The following LRRC4C variants were observed in gnomAD, a reference collection of about 807,000 sequenced individuals.
LRRC4C encodes leucine-rich repeat-containing protein 4C.
Under a neutral mutation model 33.6 loss-of-function variants are expected in LRRC4C, and 5 were observed. The observed-to-expected ratio is 0.15, with a 90% CI of 0.08 to 0.31. The LOEUF is 0.31. LRRC4C is among the 10% of genes least tolerant of loss of function. The probability of loss-of-function intolerance (pLI) is 1.00; values close to 1 mark genes in which losing one functional copy is unlikely to be tolerated. For synonymous variants in LRRC4C, 329 were observed against 302.0 expected (o/e 1.09, Z -0.93); for missense variants, 560 against 796.7 (o/e 0.70, Z 3.58).
chr11:40,978,990 A>C (rs951392293), intron 1 of LRRC4C, among the ~76,000 whole-genome samples: 2 of 152,068 alleles, frequency 1.3e-5, no homozygotes, highest in African/African-American at 4.8e-5. Flanking sequence ...TGAATTCACT[A>C]TACTTAAATA....
At chr11:41,185,499 TG>T (rs1945653817) in intron 1 of LRRC4C, among the ~76,000 whole-genome samples, 1 of 152,212 alleles carries the variant, frequency 6.6e-6, no homozygotes, top group African/African-American at 2.4e-5. Context: ...TGTAGTTGCA[TG>T]TATAACCTCA....
chr11:40,534,347 A>C (rs1956389284), intron 3 of LRRC4C, among the ~76,000 whole-genome samples: 1 of 152,172 alleles, frequency 6.6e-6, no homozygotes, highest in Non-Finnish European at 1.5e-5. Context: ...GTATATATAC[A>C]TAGTACTTAA....
chr11:41,209,089 C>T (rs1422820913), intron 1 of LRRC4C, among the ~76,000 whole-genome samples: 2 of 150,418 alleles, frequency 1.3e-5, no homozygotes, highest in African/African-American at 4.9e-5. Context: ...AAAAAAAAAA[C>T]CCGTTAGGTA....
At chr11:40,309,860 T>C (rs2136740179) in intron 4 of LRRC4C, among the ~76,000 whole-genome samples, 1 of 152,214 alleles carries the variant, frequency 6.6e-6, no homozygotes, top group East Asian at 1.9e-4. Flanking sequence ...AGAAGATATG[T>C]TTGACTAGAG....
intron 5 of LRRC4C, among the ~76,000 whole-genome samples, chr11:40,240,625 C>G (rs941656991): frequency 6.6e-6 from 1 of 152,070 alleles, no homozygotes; most frequent in African/African-American, 2.4e-5. Flanking sequence ...TAAAATGTGC[C>G]TGCTGAAGAA....
At chr11:40,799,132 T>C (rs1367372577) in intron 2 of LRRC4C, among the ~76,000 whole-genome samples, 2 of 152,216 alleles carry the variant, frequency 1.3e-5, no homozygotes, top group Non-Finnish European at 2.9e-5. Flanking sequence ...TTAAGTCATA[T>C]GTAATATTTT....
intron 1 of LRRC4C, among the ~76,000 whole-genome samples, chr11:41,304,347 T>G (rs1233747566): frequency 4.0e-5 from 3 of 75,578 alleles, no homozygotes; most frequent in South Asian, 6.1e-4. Context: ...GGGAGGGAGG[T>G]GGGGGGGTCA....
chr11:41,227,205 C>A (rs1002072779), intron 1 of LRRC4C, among the ~76,000 whole-genome samples: 1 of 151,992 alleles, frequency 6.6e-6, no homozygotes, highest in East Asian at 1.9e-4. Context: ...CATATTTTCC[C>A]GAAGTACTAT....
intron 2 of LRRC4C, among the ~76,000 whole-genome samples, chr11:40,677,315 G>A (rs955540417): frequency 1.3e-5 from 2 of 152,114 alleles, no homozygotes; most frequent in Non-Finnish European, 1.5e-5. Flanking sequence ...GAACCTGGGA[G>A]GCGGAGGTTG....
chr11:40,426,234 C>T (rs1174165544), intron 3 of LRRC4C, among the ~76,000 whole-genome samples: 3 of 151,924 alleles, frequency 2.0e-5, no homozygotes, highest in East Asian at 3.9e-4. Context: ...AGGATTGTCT[C>T]GATCTCCTGA....
intron 3 of LRRC4C, among the ~76,000 whole-genome samples, chr11:40,643,388 C>T (rs1942241292): frequency 6.6e-6 from 1 of 152,104 alleles, no homozygotes; most frequent in Non-Finnish European, 1.5e-5. Flanking sequence ...TGACAAGGTC[C>T]CCCCAATTTC....
intron 2 of LRRC4C, among the ~76,000 whole-genome samples, chr11:40,909,516 T>C (rs1956570926): frequency 6.6e-6 from 1 of 152,130 alleles, no homozygotes. Flanking sequence ...AATGACAGTG[T>C]ATACATTTAG....
intron 1 of LRRC4C, among the ~76,000 whole-genome samples, chr11:40,950,890 T>C (rs1049529355): frequency 6.6e-6 from 1 of 152,002 alleles, no homozygotes; most frequent in African/African-American, 2.4e-5. Flanking sequence ...CTTATTTTTT[T>C]TTTTTACTAA....
At chr11:40,846,416 C>A (rs566150209) in intron 2 of LRRC4C, among the ~76,000 whole-genome samples, 5 of 152,076 alleles carry the variant, frequency 3.3e-5, no homozygotes, top group Non-Finnish European at 4.4e-5. Flanking sequence ...GTTTTTCCAA[C>A]GCCATTTATT....
At chr11:41,326,949 TA>T (rs1688185976) in intron 1 of LRRC4C, among the ~76,000 whole-genome samples, 1 of 152,228 alleles carries the variant, frequency 6.6e-6, no homozygotes, top group South Asian at 2.1e-4. Context: ...CACATTCTTG[TA>T]GATTACACTG....
intron 3 of LRRC4C, among the ~76,000 whole-genome samples, chr11:40,492,554 G>T (rs1954213878): frequency 1.3e-5 from 2 of 152,080 alleles, no homozygotes; most frequent in Non-Finnish European, 1.5e-5. Flanking sequence ...AACGACTCTT[G>T]TCTCTTCCTT....
At chr11:40,529,213 T>C (rs1284256553) in intron 3 of LRRC4C, among the ~76,000 whole-genome samples, 6 of 152,040 alleles carry the variant, frequency 3.9e-5, no homozygotes. Flanking sequence ...TTGGAGCTGA[T>C]GTATATTTCT....
At chr11:40,383,019 C>T (rs1948953771) in intron 3 of LRRC4C, among the ~76,000 whole-genome samples, 1 of 152,096 alleles carries the variant, frequency 6.6e-6, no homozygotes, top group African/African-American at 2.4e-5. Flanking sequence ...ACTAATACCT[C>T]CCATTTCTCT....
At chr11:41,459,394 C>A (rs1473676059) in intron 1 of LRRC4C, 37 bp downstream of exon 1, 1 of 152,096 alleles carries the variant, frequency 6.6e-6, no homozygotes, top group African/African-American at 2.4e-5. Flanking sequence ...CATTGCAAGA[C>A]AACAAGAACT....
Sources: allele counts gnomAD v4.1 joint callset (sites outside exome capture counted in the v4.1 genomes callset), GRCh38; gene constraint gnomAD v4.1.1; transcripts MANE v1.5; gene names NCBI Gene and HGNC (gene_info 2026-07-23, HGNC 2026-07-21).